GOPC: variants seen among roughly 807,000 people sequenced by gnomAD.
GOPC encodes the protein Golgi-associated PDZ and coiled-coil motif-containing protein.
In GOPC, 32 loss-of-function variants were observed where a neutral mutation model predicts 51.2. The ratio of observed to expected loss-of-function variants is 0.63; its 90% confidence interval spans 0.47 to 0.84. The LOEUF is 0.84. Ranked by LOEUF, GOPC falls within the 40% of genes least tolerant of loss-of-function variation. The pLI is 0.00. For missense variants in GOPC, 441 were observed against 555.5 expected (o/e 0.79, Z 2.07); for synonymous variants, 190 against 205.1 (o/e 0.93, Z 0.63).
chr6:117,602,305 T>C lies in GOPC; in HGVS notation c.-17A>G, dbSNP rs755430202. The stretch of plus-strand genomic sequence containing the variant: ...CGCCGACATGGCGCCGTCAAGGGCC[T>C]CTCCCGACTGCTGAAGACCCTCGCC... On this transcript the variant is annotated 5_prime_UTR_variant, in exon 1 of 9. Coordinates refer to ENST00000368498, the MANE Select transcript of GOPC (RefSeq NM_020399.4). 3 of 1,572,258 alleles carry C rather than the reference T, an allele frequency of 1.9e-6. No homozygotes were observed. Among genetic ancestry groups the C allele is most frequent in the Non-Finnish European group, 2.6e-6 (3 of 1,167,314 alleles).
At position 117,563,275 on chromosome 6, in the gene GOPC, C is replaced by A; in HGVS notation, c.1368G>T (p.Leu456=). 6.2e-7 allele frequency: 1 copy of A among 1,612,992 alleles called. No homozygotes were observed. Among genetic ancestry groups the A allele is most frequent in the Non-Finnish European group, 8.5e-7 (1 of 1,179,150 alleles). Reference sequence around the variant, plus strand: ...CAATTTAATAAGATTTTTTATGATACAGAGTGTGCAGATCATCTAATTTTG... The same window carrying A: ...CAATTTAATAAGATTTTTTATGATAAAGAGTGTGCAGATCATCTAATTTTG... ...GASKLDDLHT[L]YHKKSY The change falls in exon 9 of 9, where the codon CTG becomes CTT. Residue 456 remains leucine (L), a synonymous_variant. Coordinates refer to ENST00000368498, the MANE Select transcript of GOPC (RefSeq NM_020399.4).
chr6:117,598,731 T>A (rs1401932449), intron 1 of GOPC, among the ~76,000 whole-genome samples: 2 of 152,154 alleles, frequency 1.3e-5, no homozygotes, highest in African/African-American at 4.8e-5. Flanking sequence ...ACTGCTCACC[T>A]CCTGCTGTTC....
chr6:117,594,415 C>G (rs1196401799), intron 1 of GOPC, among the ~76,000 whole-genome samples: 2 of 152,148 alleles, frequency 1.3e-5, no homozygotes, highest in African/African-American at 4.8e-5. Flanking sequence ...GTCTCATTTA[C>G]TCTTATGTAC....
rs1339979801 is a variant in GOPC at position 117,577,480 on chromosome 6, A to G, written c.451-9T>C. ...TCCACAGAGGGGCCAGACTTCAGAT[A>G]TAAGAAAAAAGTTTTATAATTAGAA... On this transcript the variant is annotated splice_polypyrimidine_tract_variant and intron_variant, in intron 2 of 8. Transcript: ENST00000368498. 1 of 1,596,150 alleles carries G rather than the reference A, an allele frequency of 6.3e-7. No individual in the cohort carries two copies. The highest frequency in any genetic ancestry group is 8.5e-7 in the Non-Finnish European group (1 of 1,170,840).
At chr6:117,595,263 A>G (rs891020009) in intron 1 of GOPC, among the ~76,000 whole-genome samples, 7 of 152,198 alleles carry the variant, frequency 4.6e-5, no homozygotes, top group African/African-American at 1.7e-4. Context: ...TCTAAATCCT[A>G]CATAGAAGGT....
chr6:117,568,517 T>A (rs1286322747), intron 7 of GOPC, among the ~76,000 whole-genome samples: 1 of 152,236 alleles, frequency 6.6e-6, no homozygotes. Context: ...CTTTTGCTAC[T>A]GGATGACAGT....
intron 6 of GOPC, 115 bp downstream of exon 6, chr6:117,570,745 T>A: frequency 4.7e-6 from 2 of 424,368 alleles, no homozygotes; most frequent in Non-Finnish European, 8.4e-6. Context: ...TGGGGATAAA[T>A]TTTAGTTATT....
chr6:117,565,759 G>A (rs528125838), intron 8 of GOPC, among the ~76,000 whole-genome samples: 1 of 152,264 alleles, frequency 6.6e-6, no homozygotes, highest in South Asian at 2.1e-4. Flanking sequence ...TGTCTTTCCT[G>A]AAGTGATGGA....
intron 1 of GOPC, among the ~76,000 whole-genome samples, chr6:117,582,843 A>C (rs1779979766): frequency 6.6e-6 from 1 of 151,730 alleles, no homozygotes; most frequent in Non-Finnish European, 1.5e-5. Context: ...GCACCAGACA[A>C]GAATTCGGGA....
chr6:117,561,152 A>G lies in GOPC; in HGVS notation c.*2102T>C. 1 of 224,564 alleles carries G rather than the reference A, an allele frequency of 4.5e-6. No homozygotes were observed. The highest frequency in any genetic ancestry group is 8.9e-6 in the Non-Finnish European group (1 of 112,660). The allele number at this position is 224,564 out of a possible 1,614,324, so 13.9% of individuals were successfully genotyped here. A position where few individuals can be genotyped will look rare whatever the true frequency, so the allele number is the denominator to read the frequency against. ...AAACTGACCTGTGGAGTTTTAAACT[A>G]CCTGGAAACTTTTCATTCTATTTAT... is the stretch of plus-strand genomic sequence containing the variant. On this transcript the variant is annotated 3_prime_UTR_variant, in exon 9 of 9. Transcript: ENST00000368498.
rs1409044877 is a variant in GOPC, at chr6:117,562,397, C to A, written c.*857G>T. 5.0e-6 allele frequency: 1 copy of A among 199,322 alleles called. No individual in the cohort carries two copies. Among genetic ancestry groups the A allele is most frequent in the African/African-American group, 2.3e-5 (1 of 43,458 alleles). 12.3% of individuals were successfully genotyped at this position (199,322 alleles called of 1,614,324 possible). A position where few individuals can be genotyped will look rare whatever the true frequency, so the allele number is the denominator to read the frequency against. On this transcript the variant is annotated 3_prime_UTR_variant, in exon 9 of 9. Transcript: ENST00000368498. ...ATTTGTCTTTAAGTGCCAGGACTAT[C>A]ACAAGACAAACTTTATGAACAACTC...
Position 117,575,343 on chromosome 6 carries a change from G to C in GOPC, c.484C>G (p.Leu162Val). ...ATTTTTTCTTTTTTGTTTGCCTCAA[G>C]CTCTCTTTCCTATGTAATTTTTAAA... The part of the protein sequence containing the change: ...GPSVEELERE[L>V]EANKKEKMKE... The change falls in exon 4 of 9, where the codon CTT becomes GTT. Residue 162 changes from leucine (L) to valine (V), a missense_variant. Leu to Val is a conservative substitution (Grantham distance 32). Transcript: ENST00000368498. 6.2e-7 allele frequency: 1 copy of C among 1,604,388 alleles called. No individual in the cohort carries two copies. Among genetic ancestry groups the C allele is most frequent in the Non-Finnish European group, 8.5e-7 (1 of 1,174,788 alleles).
chr6:117,581,647 T>A (rs1271800447), intron 1 of GOPC, among the ~76,000 whole-genome samples: 2 of 152,238 alleles, frequency 1.3e-5, no homozygotes, highest in African/African-American at 2.4e-5. Context: ...TAGCTTGTTT[T>A]GCATAGCTGC....
intron 8 of GOPC, 116 bp from the exon 9 acceptor site, chr6:117,563,500 T>A: frequency 3.3e-6 from 3 of 909,058 alleles, no homozygotes; most frequent in Non-Finnish European, 5.2e-6. Flanking sequence ...GGTGGGTGGA[T>A]AACCTGAGGT....
intron 6 of GOPC, among the ~76,000 whole-genome samples, chr6:117,570,195 T>C (rs1003371164): frequency 6.6e-6 from 1 of 151,662 alleles, no homozygotes; most frequent in African/African-American, 2.4e-5. Context: ...GTGTGTCTTA[T>C]TTGTCCTGCT....
chr6:117,574,474 C>A (rs986591886), intron 4 of GOPC, among the ~76,000 whole-genome samples: 2 of 152,038 alleles, frequency 1.3e-5, no homozygotes, highest in African/African-American at 4.8e-5. Flanking sequence ...AATACCAACA[C>A]GTTTTTTTGA....
At chr6:117,567,122 G>A (rs1779714465) in intron 7 of GOPC, 88 bp from the exon 8 acceptor site, 7 of 894,548 alleles carry the variant, frequency 7.8e-6, no homozygotes, top group Non-Finnish European at 1.1e-5. Flanking sequence ...AAGGCTTAGG[G>A]GTAGAGAGAT....
At chr6:117,595,498 G>A (rs890935780) in intron 1 of GOPC, among the ~76,000 whole-genome samples, 4 of 152,244 alleles carry the variant, frequency 2.6e-5, no homozygotes, top group South Asian at 4.2e-4. Flanking sequence ...CCCATCACCT[G>A]AGCAGTGTAC....
intron 1 of GOPC, among the ~76,000 whole-genome samples, chr6:117,589,837 C>T (rs891720960): frequency 2.6e-5 from 4 of 152,202 alleles, no homozygotes; most frequent in Non-Finnish European, 5.9e-5. Context: ...GGAGGAGAAT[C>T]AACCTACTCA....
Sources: gnomAD v4.1 joint callset for allele counts (sites outside exome capture counted in the v4.1 genomes callset) on GRCh38, gnomAD v4.1.1 for gene constraint, MANE v1.5 for transcripts, NCBI Gene and HGNC (gene_info 2026-07-23, HGNC 2026-07-21) for gene names.